FAM161A: variants seen among roughly 807,000 people sequenced by gnomAD.
FAM161A encodes the protein protein FAM161A.
Under a neutral mutation model 70.9 loss-of-function variants are expected in FAM161A, and 57 were observed. The ratio of observed to expected loss-of-function variants is 0.80; its 90% confidence interval spans 0.65 to 1.00. The LOEUF is 1.00. Among genes scored for constraint, FAM161A ranks in the 50% least tolerant of loss-of-function variants. The pLI, the probability that FAM161A is intolerant of heterozygous loss-of-function variation, is 0.00. For missense variants in FAM161A, 880 were observed against 836.0 expected (o/e 1.05, Z -0.65); for synonymous variants, 299 against 295.7 (o/e 1.01, Z -0.12).
the FAM161A span, among the ~76,000 whole-genome samples, chr2:61,813,589 T>G: frequency 6.8e-6 from 1 of 147,278 alleles, no homozygotes; most frequent in African/African-American, 2.5e-5. Flanking sequence ...TGTGGTGGCA[T>G]GCACCTGTGG....
Position 61,840,042 on chromosome 2 carries a change from GA to G in FAM161A, c.961del (p.Ser321HisfsTer8). The stretch of plus-strand genomic sequence containing the variant: ...TGCTATAAATTTAAATGGCTTTTGT[GA>G]GGCCAAAAGAGCTTCTTTGCTTTTC... Reference protein sequence around the residue: ...KEKSKEALLASQKPFKFIARE... With the variant: ...KEKSKEALLAXQKPFKFIARE... On this transcript the variant is annotated frameshift_variant, in exon 3 of 7. Transcript: ENST00000404929. LOFTEE classifies it high-confidence loss of function. The G allele has an allele frequency of 6.2e-7, 1 of 1,614,138 alleles. No individual in the cohort carries two copies. Among genetic ancestry groups the G allele is most frequent in the Non-Finnish European group, 8.5e-7 (1 of 1,180,032 alleles).
At chr2:61,842,797 A>AGT (rs1673067756) in intron 1 of FAM161A, among the ~76,000 whole-genome samples, 1 of 152,330 alleles carries the variant, frequency 6.6e-6, no homozygotes, top group African/African-American at 2.4e-5. Flanking sequence ...GCGCTCCTGC[A>AGT]GTGTGGCTCC....
intron 1 of FAM161A, among the ~76,000 whole-genome samples, chr2:61,846,408 T>A (rs1300777374): frequency 1.3e-5 from 2 of 152,124 alleles, no homozygotes; most frequent in African/African-American, 4.8e-5. Context: ...CCTTCAAAGA[T>A]GAAAGGGTTG....
Position 61,836,082 on chromosome 2 carries a change from TTC to T in FAM161A, c.1777_1778del (p.Glu593IlefsTer20). ...LRKSEKERMR[E>X]YQRELEEREE... The stretch of plus-strand genomic sequence containing the variant: ...CTCTTTCTTCTAGTTCTCGTTGGTA[TTC>T]TCTCATCCTTTCCTTTTCGCTCTTT... On this transcript the variant is annotated frameshift_variant, in exon 5 of 7. Transcript: ENST00000404929. LOFTEE classifies it high-confidence loss of function. The T allele has an allele frequency of 6.2e-7, 1 of 1,610,930 alleles. No homozygotes were observed. The highest frequency in any genetic ancestry group is 8.5e-7 in the Non-Finnish European group (1 of 1,178,724).
chr2:61,839,922 G>A lies in FAM161A; in HGVS notation c.1082C>T (p.Pro361Leu). 3.1e-6 allele frequency: 5 copies of A among 1,614,200 alleles called. No homozygotes were observed. Among genetic ancestry groups the A allele is most frequent in the Non-Finnish European group, 2.5e-6 (3 of 1,180,038 alleles). The change falls in exon 3 of 7, where the codon CCT becomes CTT. Residue 361 changes from proline to leucine, a missense_variant. Transcript: ENST00000404929. ...KTNRFKARPI[P>L]RSTYGSTTND... The stretch of plus-strand genomic sequence containing the variant: ...GGTAGTTGAACCATAAGTAGATCGA[G>A]GAATGGGTCTGGCTTTAAATCGATT...
chr2:61,800,470 T>C, the FAM161A span, among the ~76,000 whole-genome samples: 1 of 152,188 alleles, frequency 6.6e-6, no homozygotes, highest in Non-Finnish European at 1.5e-5. Flanking sequence ...GTCGTTAGAT[T>C]GTTGCTTTCA....
At chr2:61,853,192 G>C (rs1401745495) in intron 1 of FAM161A, among the ~76,000 whole-genome samples, 2 of 152,072 alleles carry the variant, frequency 1.3e-5, no homozygotes, top group African/African-American at 4.8e-5. Flanking sequence ...TTATAGGCAC[G>C]AGCCACCGCG....
chr2:61,803,223 G>T, the FAM161A span: 1 of 594,192 alleles, frequency 1.7e-6, no homozygotes, highest in Non-Finnish European at 3.2e-6. Context: ...AAATGTATAA[G>T]ACCACACTGG....
Position 61,826,064 on chromosome 2 carries a change from T to C in FAM161A, c.*391A>G, listed in dbSNP as rs764286789. On this transcript the variant is annotated 3_prime_UTR_variant, in exon 7 of 7. Transcript: ENST00000404929. ...TAAAAATAGTTATTGATTCACACTTTCCAAAATTTTTAAAAAGTAAACCAC... is the reference window on the plus strand; with the variant it reads ...TAAAAATAGTTATTGATTCACACTTCCCAAAATTTTTAAAAAGTAAACCAC... 6.5e-6 allele frequency: 3 copies of C among 459,764 alleles called. No homozygotes were observed. Among genetic ancestry groups the C allele is most frequent in the South Asian group, 1.6e-5 (1 of 64,438 alleles). The allele number at this position is 459,764 out of a possible 1,614,324, so 28.5% of individuals were successfully genotyped here.
rs1435732952 is a variant in FAM161A at position 61,854,018 on chromosome 2, C to T, written c.24G>A (p.Ala8=). The change falls in exon 1 of 7, where the codon GCG becomes GCA. Residue 8 remains alanine (A), a synonymous_variant. Coordinates refer to ENST00000404929, the MANE Select transcript of FAM161A (RefSeq NM_001201543.2). MATSHRV[A]KLVASSLQTP... The stretch of plus-strand genomic sequence containing the variant: ...TCTGGAGACTGGAGGCCACCAGCTT[C>T]GCCACTCGGTGGGAGGTGGCCATCG... 2 of 1,611,788 alleles carry T rather than the reference C, an allele frequency of 1.2e-6. No individual in the cohort carries two copies. The highest frequency in any genetic ancestry group is 1.7e-6 in the Non-Finnish European group (2 of 1,179,058).
rs1672853908 is a variant in FAM161A at position 61,838,457 on chromosome 2, C to G, written c.1751+81G>C. On this transcript the variant is annotated intron_variant, in intron 4 of 6. Transcript: ENST00000404929. ...AAACACTAATGCTATTTTCAATCTG[C>G]TCATATTTTACTATCTACTGATTAA... The G allele has an allele frequency of 3.4e-6, 4 of 1,172,582 alleles. No individual in the cohort carries two copies. In the East Asian group the frequency reaches 9.5e-5, roughly 28 times the overall value. The allele number at this position is 1,172,582 out of a possible 1,614,324, so 72.6% of individuals were successfully genotyped here. A position where few individuals can be genotyped will look rare whatever the true frequency, so the allele number is the denominator to read the frequency against.
chr2:61,846,100 A>T (rs1406072933), intron 1 of FAM161A, among the ~76,000 whole-genome samples: 1 of 151,284 alleles, frequency 6.6e-6, no homozygotes, highest in Admixed American at 6.6e-5. Context: ...AAAAAAAAAA[A>T]AAAAAAAAAA....
downstream of FAM161A, chr2:61,824,844 C>T: frequency 2.6e-6 from 1 of 381,522 alleles, no homozygotes; most frequent in Non-Finnish European, 5.1e-6. Context: ...ATATAAAAAC[C>T]ATATTCATCT....
intron 1 of FAM161A, among the ~76,000 whole-genome samples, chr2:61,848,265 C>T (rs1273267849): frequency 6.6e-6 from 1 of 152,136 alleles, no homozygotes; most frequent in Non-Finnish European, 1.5e-5. Context: ...TACTTATGTA[C>T]TGATTTTGCA....
At chr2:61,810,638 T>C in the FAM161A span, among the ~76,000 whole-genome samples, 1 of 151,780 alleles carries the variant, frequency 6.6e-6, no homozygotes, top group Non-Finnish European at 1.5e-5. Context: ...TTTTGTATTT[T>C]TAGTAAAGAG....
intron 2 of FAM161A, among the ~76,000 whole-genome samples, chr2:61,840,909 C>T (rs2105084687): frequency 6.6e-6 from 1 of 152,302 alleles, no homozygotes; most frequent in East Asian, 1.9e-4. Context: ...CTCCGCCTCC[C>T]AAAGTGCTGA....
chr2:61,836,187 T>C, intron 4 of FAM161A, 78 bp from the exon 5 acceptor site: 2 of 1,003,700 alleles, frequency 2.0e-6, no homozygotes, highest in Non-Finnish European at 1.5e-6. Flanking sequence ...ATTTAACTTA[T>C]CAACTTGTAC....
chr2:61,836,078 G>C lies in FAM161A; in HGVS notation c.1783C>G (p.Gln595Glu), dbSNP rs1200918073. 6.2e-7 allele frequency: 1 copy of C among 1,605,780 alleles called. No individual in the cohort carries two copies. Among genetic ancestry groups the C allele is most frequent in the Admixed American group, 1.7e-5 (1 of 59,230 alleles). ...KSEKERMREY[Q>E]RELEEREEKL... ...TCTTCTCTTTCTTCTAGTTCTCGTT[G>C]GTATTCTCTCATCCTTTCCTTTTCG... is the stretch of plus-strand genomic sequence containing the variant. The change falls in exon 5 of 7, where the codon CAA (glutamine) becomes GAA (glutamate). Residue 595 changes from glutamine to glutamate, a missense_variant. Gln to Glu is a conservative substitution (Grantham distance 29, BLOSUM62 2). Transcript: ENST00000404929.
chr2:61,820,260 G>A, downstream of FAM161A: 1 of 659,000 alleles, frequency 1.5e-6, no homozygotes, highest in Non-Finnish European at 2.8e-6. Context: ...CTGGAGGATC[G>A]AGCTTTGAAA....
Sources: gnomAD v4.1 joint callset for allele counts (sites outside exome capture counted in the v4.1 genomes callset) on GRCh38, gnomAD v4.1.1 for gene constraint, MANE v1.5 for transcripts, NCBI Gene and HGNC (gene_info 2026-07-23, HGNC 2026-07-21) for gene names.